ZMYND11: variants seen among roughly 807,000 people sequenced by gnomAD.
ZMYND11 encodes the protein zinc finger MYND domain-containing protein 11.
ZMYND11 carries 9 observed loss-of-function variants against 84.9 expected under a neutral mutation model. The observed-to-expected ratio is 0.11, with a 90% CI of 0.06 to 0.18. ZMYND11 has a LOEUF of 0.18. ZMYND11 is among the 10% of genes least tolerant of loss of function. ZMYND11 has a pLI of 1.00. For missense variants in ZMYND11, 409 were observed against 761.0 expected (o/e 0.54, Z 5.44); for synonymous variants, 250 against 244.1 (o/e 1.02, Z -0.23).
rs750995232 is a variant in ZMYND11, at chr10:240,130, T to C, written c.753+19T>C. 9.5e-6 allele frequency: 15 copies of C among 1,572,056 alleles called. No homozygotes were observed. In the Admixed American group the frequency reaches 2.5e-4, roughly 26 times the overall value. The stretch of plus-strand genomic sequence containing the variant: ...TCATGAGGTACTATTCATTGCCCAA[T>C]AGTTATACTCTTTCTATAACTGAAA... On this transcript the variant is annotated intron_variant, in intron 8 of 14. Transcript: ENST00000381604.
At chr10:190,421 G>A (rs771282657) in intron 2 of ZMYND11, among the ~76,000 whole-genome samples, 18 of 152,220 alleles carry the variant, frequency 1.2e-4, no homozygotes, top group Non-Finnish European at 1.6e-4. Flanking sequence ...CTTAGGCTCC[G>A]GCTGGGCTCT....
At chr10:153,253 C>G (rs1355743773) in intron 1 of ZMYND11, among the ~76,000 whole-genome samples, 1 of 152,136 alleles carries the variant, frequency 6.6e-6, no homozygotes, top group Non-Finnish European at 1.5e-5. Flanking sequence ...AGAAATGAAA[C>G]ATTCTCGTTA....
chr10:197,098 T>C (rs1391173035), intron 2 of ZMYND11, among the ~76,000 whole-genome samples: 1 of 151,274 alleles, frequency 6.6e-6, no homozygotes, highest in East Asian at 2.0e-4. Context: ...GCATGGAAGG[T>C]GGCGTGCTTT....
At chr10:137,753 G>A (rs987428146) in intron 1 of ZMYND11, among the ~76,000 whole-genome samples, 1 of 152,160 alleles carries the variant, frequency 6.6e-6, no homozygotes, top group Non-Finnish European at 1.5e-5. Context: ...ACTGGCACAG[G>A]TTACATTATA....
intron 3 of ZMYND11, among the ~76,000 whole-genome samples, chr10:213,323 A>G (rs1411525337): frequency 2.0e-5 from 3 of 152,200 alleles, no homozygotes; most frequent in South Asian, 2.1e-4. Flanking sequence ...TGATTGTCCT[A>G]CATGCCAGCA....
chr10:209,199 A>T (rs1179722075), intron 2 of ZMYND11, among the ~76,000 whole-genome samples: 2 of 152,194 alleles, frequency 1.3e-5, no homozygotes, highest in Non-Finnish European at 2.9e-5. Flanking sequence ...ATAGTTGGTG[A>T]ATACAAGGGA....
intron 2 of ZMYND11, among the ~76,000 whole-genome samples, chr10:184,293 A>T (rs1002855658): frequency 2.0e-5 from 3 of 151,970 alleles, no homozygotes; most frequent in African/African-American, 7.2e-5. Flanking sequence ...TGATTATGTT[A>T]TTATTTTCTT....
At chr10:212,917 T>C (rs1945511167) in intron 3 of ZMYND11, among the ~76,000 whole-genome samples, 1 of 152,146 alleles carries the variant, frequency 6.6e-6, no homozygotes, top group African/African-American at 2.4e-5. Context: ...AACTCTAAAA[T>C]AATGAGACAA....
chr10:235,844 T>C (rs549155906), intron 4 of ZMYND11, among the ~76,000 whole-genome samples: 56 of 152,288 alleles, frequency 3.7e-4, no homozygotes, highest in African/African-American at 1.3e-3. Flanking sequence ...GTGTTTCCAC[T>C]TGTTATTTAG....
intron 4 of ZMYND11, among the ~76,000 whole-genome samples, chr10:221,949 A>G (rs1339363633): frequency 6.6e-6 from 1 of 152,154 alleles, no homozygotes; most frequent in Non-Finnish European, 1.5e-5. Context: ...ACTTTTATTC[A>G]TTGATCCCAC....
At chr10:250,540 T>C (rs1165409757) in intron 14 of ZMYND11, among the ~76,000 whole-genome samples, 2 of 152,050 alleles carry the variant, frequency 1.3e-5, no homozygotes, top group Non-Finnish European at 2.9e-5. Flanking sequence ...TACTAAAGAA[T>C]CAAGAAAATG....
chr10:157,293 A>G (rs1167798959), intron 1 of ZMYND11, among the ~76,000 whole-genome samples: 6 of 152,094 alleles, frequency 3.9e-5, no homozygotes, highest in Non-Finnish European at 7.4e-5. Flanking sequence ...TCTGCCTCCC[A>G]GGTTCAAGCG....
chr10:211,800 A>G (rs1443593706), intron 3 of ZMYND11, among the ~76,000 whole-genome samples: 1 of 152,228 alleles, frequency 6.6e-6, no homozygotes, highest in Non-Finnish European at 1.5e-5. Context: ...GAGTTGCCTT[A>G]CAGAAAAGTA....
chr10:131,690 A>AT (rs554115988), upstream of ZMYND11, among the ~76,000 whole-genome samples: 306 of 144,240 alleles, frequency 2.1e-3, no homozygotes, highest in Middle Eastern at 7.2e-3. Context: ...ACATCTGGCT[A>AT]TTTTTTTTTT....
At chr10:193,774 C>T (rs572721592) in intron 2 of ZMYND11, among the ~76,000 whole-genome samples, 32 of 152,288 alleles carry the variant, frequency 2.1e-4, no homozygotes, top group African/African-American at 7.5e-4. Flanking sequence ...GATTTGCCTA[C>T]GGTCACTGTG....
chr10:173,305 A>G (rs1159378515), intron 1 of ZMYND11, among the ~76,000 whole-genome samples: 2 of 152,172 alleles, frequency 1.3e-5, no homozygotes, highest in Non-Finnish European at 2.9e-5. Context: ...GAAAAATTTA[A>G]TACTTTTGTT....
chr10:230,231 G>A (rs1239834280), intron 4 of ZMYND11, among the ~76,000 whole-genome samples: 1 of 152,050 alleles, frequency 6.6e-6, no homozygotes, highest in East Asian at 1.9e-4. Context: ...TCCCAGCACT[G>A]TGGGAGGCCG....
chr10:249,851 A>C, intron 14 of ZMYND11: 1 of 852,720 alleles, frequency 1.2e-6, no homozygotes, highest in South Asian at 5.4e-5. Flanking sequence ...TCATGAAAGA[A>C]ATATTTTTAA....
At chr10:189,734 A>G (rs942785637) in intron 2 of ZMYND11, among the ~76,000 whole-genome samples, 2 of 152,182 alleles carry the variant, frequency 1.3e-5, no homozygotes, top group African/African-American at 4.8e-5. Flanking sequence ...ATGTCTATGA[A>G]GAAAAACATA....
Sources: gnomAD v4.1 joint callset for allele counts (sites outside exome capture counted in the v4.1 genomes callset) on GRCh38, gnomAD v4.1.1 for gene constraint, MANE v1.5 for transcripts, NCBI Gene and HGNC (gene_info 2026-07-23, HGNC 2026-07-21) for gene names.